C1orf94: variants seen among roughly 807,000 people sequenced by gnomAD.
C1orf94 encodes uncharacterized protein C1orf94.
In C1orf94, 45 loss-of-function variants were observed where a neutral mutation model predicts 53.6. The ratio of observed to expected loss-of-function variants is 0.84; its 90% CI spans 0.66 to 1.08. The LOEUF (loss-of-function observed/expected upper bound fraction) is 1.08, where lower values mean the gene tolerates loss of function less well. Among genes scored for constraint, C1orf94 ranks in the 50% least tolerant of loss-of-function variants. C1orf94 has a pLI of 0.00. For synonymous variants in C1orf94, 304 were observed against 296.1 expected (o/e 1.03, Z -0.27); for missense variants, 762 against 738.9 (o/e 1.03, Z -0.36).
At chr1:34,194,034 C>T (rs1395532991) in intron 1 of C1orf94, among the ~76,000 whole-genome samples, 1 of 152,052 alleles carries the variant, frequency 6.6e-6, no homozygotes, top group Non-Finnish European at 1.5e-5. Flanking sequence ...GTGGTTGCAG[C>T]TGGGGGGGAC....
upstream of C1orf94, among the ~76,000 whole-genome samples, chr1:34,175,189 G>C: frequency 1.3e-5 from 1 of 77,864 alleles, no homozygotes; most frequent in Non-Finnish European, 2.1e-5. Flanking sequence ...TGCTGTATTT[G>C]ATTTTTTTTT....
chr1:34,197,497 A>C lies in C1orf94; in HGVS notation c.593A>C (p.Gln198Pro). The part of the protein sequence containing the change: ...KVAMPVISSR[Q>P]DCDSATSTVT... ...GCCATGCCCGTTATCAGCAGCAGGC[A>C]GGACTGTGATTCTGCCACTTCTACT... The change falls in exon 2 of 7, where the codon CAG (glutamine) becomes CCG (proline). Residue 198 changes from glutamine to proline, a missense_variant. Coordinates refer to ENST00000488417, the MANE Select transcript of C1orf94 (RefSeq NM_001134734.2). This position sits in a 1 kb window ranked among gnomAD's most constrained non-coding sequence, Gnocchi z 4.1. 6.2e-7 allele frequency: 1 copy of C among 1,614,134 alleles called. No homozygotes were observed. Among genetic ancestry groups the C allele is most frequent in the Non-Finnish European group, 8.5e-7 (1 of 1,180,018 alleles).
intron 1 of C1orf94, among the ~76,000 whole-genome samples, chr1:34,196,043 G>T (rs1170283570): frequency 6.6e-6 from 1 of 152,178 alleles, no homozygotes; most frequent in Non-Finnish European, 1.5e-5. Context: ...ATGATAGAAG[G>T]CTGAGTAGTT....
intron 1 of C1orf94, among the ~76,000 whole-genome samples, chr1:34,181,601 T>A (rs1642312866): frequency 6.6e-6 from 1 of 152,154 alleles, no homozygotes; most frequent in Admixed American, 6.5e-5. Flanking sequence ...TTCCTAGAGC[T>A]CACATTCTAG....
At chr1:34,192,704 CTT>C (rs1642513173) in intron 1 of C1orf94, among the ~76,000 whole-genome samples, 2 of 152,116 alleles carry the variant, frequency 1.3e-5, no homozygotes. Flanking sequence ...GGGAGGGACA[CTT>C]TTAAAAATAG....
chr1:34,215,747 T>C lies in C1orf94; in HGVS notation c.1722-2939T>C, dbSNP rs936207067. On this transcript the variant is annotated intron_variant, in intron 6 of 6. Coordinates refer to ENST00000488417, the MANE Select transcript of C1orf94 (RefSeq NM_001134734.2). ...TGGGCCAGGCACAGTGGCTCACGCC[T>C]GTAATCCCAGCACTTTCGGAGACCG... Among the ~76,000 whole-genome samples, 14 of 152,356 alleles carry C rather than the reference T, an allele frequency of 9.2e-5. 1 individual carries two copies. The highest frequency in any genetic ancestry group is 3.4e-3 in the Middle Eastern group (1 of 294).
chr1:34,186,559 C>T (rs950801400), intron 1 of C1orf94, among the ~76,000 whole-genome samples: 10 of 152,168 alleles, frequency 6.6e-5, no homozygotes, highest in Admixed American at 4.6e-4. Context: ...TCATAGCATT[C>T]GGTTTTCATA....
intron 1 of C1orf94, among the ~76,000 whole-genome samples, chr1:34,182,445 T>C (rs1335855): frequency 0.2 from 29,676 of 152,084 alleles, 3,600 homozygotes; most frequent in African/African-American, 0.34. Context: ...CACTAATGTT[T>C]GAATCTCTGT....
At chr1:34,176,874 G>T (rs192520026), upstream of C1orf94, among the ~76,000 whole-genome samples, 50 of 127,324 alleles carry the variant, frequency 3.9e-4, no homozygotes, top group East Asian at 4.8e-3. Context: ...CCACCCCACC[G>T]GCGGGTCTTG....
intron 1 of C1orf94, among the ~76,000 whole-genome samples, chr1:34,193,473 T>C (rs1381970333): frequency 1.3e-5 from 2 of 152,142 alleles, no homozygotes; most frequent in Non-Finnish European, 2.9e-5. Flanking sequence ...ACCAGCAATA[T>C]TCCTGAGTGC....
In C1orf94 at chr1:34,178,681, G is replaced by A. The variant is rs747266745; in HGVS notation, c.320+572G>A. On this transcript the variant is annotated intron_variant, in intron 1 of 6. Coordinates refer to ENST00000488417, the MANE Select transcript of C1orf94 (RefSeq NM_001134734.2). ...AGATGGCTGTAAATAGCCCGTTTCC[G>A]GGATGGGAAATCCTGTGTCTGGGAA... is the stretch of plus-strand genomic sequence containing the variant. 8.5e-5 allele frequency among the ~76,000 whole-genome samples: 13 copies of A among 152,328 alleles called. No individual in the cohort carries two copies. The East Asian group carries it at 1.2e-3, about 14-fold the overall frequency.
intron 2 of C1orf94, among the ~76,000 whole-genome samples, chr1:34,200,240 T>A (rs967292207): frequency 6.6e-6 from 1 of 152,184 alleles, no homozygotes; most frequent in Non-Finnish European, 1.5e-5. Flanking sequence ...ACTCCTTCAC[T>A]AAGCCATGTG....
rs1258273596 is a variant in C1orf94 at position 34,197,571 on chromosome 1, G to A, written c.667G>A (p.Glu223Lys). Residue 223 changes from glutamate (E) to lysine (K), a missense_variant, in exon 2 of 7, where the codon GAG becomes AAG. By Grantham distance (56) the Glu-to-Lys change is moderately conservative. Transcript: ENST00000488417. The surrounding 1 kb of genome is among the most constrained non-coding windows in gnomAD (Gnocchi z 4.1). ...AAEVKSSKGT[E>K]DRGRILGDSN... ...CGAGGTCAAGAGCAGCAAGGGGACA[G>A]AGGACAGGGGCCGCATCCTAGGTGA... 6.2e-7 allele frequency: 1 copy of A among 1,614,210 alleles called. No individual in the cohort carries two copies. Among genetic ancestry groups the A allele is most frequent in the Admixed American group, 1.7e-5 (1 of 60,028 alleles).
At chr1:34,187,769 ACC>A (rs1304813112) in intron 1 of C1orf94, among the ~76,000 whole-genome samples, 5,085 of 41,640 alleles carry the variant, frequency 0.12, 195 homozygotes, top group East Asian at 0.21. Context: ...GAATCCACCC[ACC>A]CCCCCCCCCC....
At chr1:34,192,377 C>G (rs546495589) in intron 1 of C1orf94, among the ~76,000 whole-genome samples, 1 of 152,060 alleles carries the variant, frequency 6.6e-6, no homozygotes, top group South Asian at 2.1e-4. Context: ...GCCATCTGAT[C>G]GGCTCACAGG....
intron 1 of C1orf94, among the ~76,000 whole-genome samples, chr1:34,191,689 T>A (rs1329290201): frequency 6.6e-6 from 1 of 152,138 alleles, no homozygotes; most frequent in African/African-American, 2.4e-5. Context: ...AGAAAATATT[T>A]GTTTTGGTAT....
At chr1:34,201,891 C>T (rs1032800202) in intron 3 of C1orf94, among the ~76,000 whole-genome samples, 193 bp from the exon 4 acceptor site, 1 of 152,302 alleles carries the variant, frequency 6.6e-6, no homozygotes, top group Non-Finnish European at 1.5e-5. Flanking sequence ...TCATCCCTTC[C>T]AAACTGGCAA....
At chr1:34,196,032 C>T (rs1642573783) in intron 1 of C1orf94, among the ~76,000 whole-genome samples, 2 of 152,220 alleles carry the variant, frequency 1.3e-5, no homozygotes, top group South Asian at 4.1e-4. Flanking sequence ...TCAGCGCTCC[C>T]ATGATAGAAG....
intron 1 of C1orf94, among the ~76,000 whole-genome samples, chr1:34,171,593 T>C (rs546309390): frequency 1.3e-5 from 2 of 152,364 alleles, no homozygotes; most frequent in African/African-American, 2.4e-5. Context: ...TATGATTTAA[T>C]GTTATGCTGT....
Sources: gnomAD v4.1 joint callset for allele counts (sites outside exome capture counted in the v4.1 genomes callset) on GRCh38, gnomAD v4.1.1 for gene constraint, Gnocchi (gnomAD v3.1) non-coding constraint, MANE v1.5 for transcripts, NCBI Gene and HGNC (gene_info 2026-07-23, HGNC 2026-07-21) for gene names.